The following MRPS18A variants were observed in gnomAD, a reference collection of about 807,000 sequenced individuals.
The protein encoded by MRPS18A is mitochondrial ribosomal protein S18A.
A neutral mutation model predicts 22.7 loss-of-function variants in MRPS18A; 20 were observed. The observed-to-expected ratio is 0.88, with a 90% CI of 0.62 to 1.28. The LOEUF (loss-of-function observed/expected upper bound fraction) is 1.28. MRPS18A is among the 50% of genes most tolerant of loss of function. The probability of loss-of-function intolerance (pLI) is 0.00; values close to 1 mark genes in which losing one functional copy is unlikely to be tolerated. For synonymous variants in MRPS18A, 106 were observed against 99.1 expected (o/e 1.07, Z -0.41); for missense variants, 294 against 262.6 (o/e 1.12, Z -0.83).
At chr6:43,675,142 G>A (rs1281982227) in intron 5 of MRPS18A, 60 bp downstream of exon 5, 2 of 1,389,504 alleles carry the variant, frequency 1.4e-6, no homozygotes, top group East Asian at 4.8e-5. Context: ...GACAGCCAAG[G>A]TGCACCCTAG....
intron 1 of MRPS18A, among the ~76,000 whole-genome samples, chr6:43,684,932 C>T (rs1330378799): frequency 3.9e-5 from 6 of 152,204 alleles, no homozygotes; most frequent in Non-Finnish European, 8.8e-5. Context: ...AGATCCAACA[C>T]AGTCTTTGCT....
intron 5 of MRPS18A, among the ~76,000 whole-genome samples, chr6:43,674,074 G>A (rs959603871): frequency 6.6e-6 from 1 of 152,236 alleles, no homozygotes; most frequent in Non-Finnish European, 1.5e-5. Flanking sequence ...GCTGCTGGCA[G>A]ATGGCTGAGC....
At chr6:43,672,358 T>G in intron 5 of MRPS18A, 1 of 472,190 alleles carries the variant, frequency 2.1e-6, no homozygotes, top group Non-Finnish European at 4.4e-6. Flanking sequence ...GTACTATAAC[T>G]GGTATAAGAC....
In MRPS18A at chr6:43,671,874, T is replaced by A; in HGVS notation, c.479A>T (p.Lys160Met). 6.2e-7 allele frequency: 1 copy of A among 1,613,590 alleles called. No individual in the cohort carries two copies. Among genetic ancestry groups the A allele is most frequent in the African/African-American group, 1.3e-5 (1 of 75,052 alleles). ...YLTRWAPGSV[K>M]PIYKKGPRWN... ...GCGGGGGCCTTTTTTGTAGATGGGC[T>A]TGACGGAGCCAGGAGCCCAGCGCGT... Residue 160 changes from lysine to methionine, a missense_variant, in exon 6 of 6, where the codon AAG (lysine) becomes ATG (methionine). Lys to Met is a moderately conservative substitution (Grantham distance 95, BLOSUM62 -1). Transcript: ENST00000372133.
intron 3 of MRPS18A, among the ~76,000 whole-genome samples, chr6:43,676,390 G>A (rs937098019): frequency 6.6e-6 from 1 of 152,178 alleles, no homozygotes; most frequent in Admixed American, 6.5e-5. Context: ...CATTCCCTCT[G>A]AAGTGCGAGG....
chr6:43,681,945 A>T (rs1344136468), intron 1 of MRPS18A, among the ~76,000 whole-genome samples: 1 of 152,256 alleles, frequency 6.6e-6, no homozygotes, highest in Non-Finnish European at 1.5e-5. Context: ...AATAGCCCAC[A>T]TTCAGCTAAT....
chr6:43,684,003 CA>C (rs1045580261), intron 1 of MRPS18A, among the ~76,000 whole-genome samples: 2 of 151,948 alleles, frequency 1.3e-5, no homozygotes, highest in African/African-American at 4.8e-5. Flanking sequence ...GCAGTGAATG[CA>C]AAAGGAGGAG....
intron 2 of MRPS18A, among the ~76,000 whole-genome samples, 188 bp from the exon 3 acceptor site, chr6:43,678,813 T>G (rs1299700221): frequency 1.3e-5 from 2 of 152,140 alleles, no homozygotes; most frequent in African/African-American, 2.4e-5. Context: ...TGCTAGGCCT[T>G]GAGATAGCTA....
chr6:43,675,340 G>A (rs762790208), intron 4 of MRPS18A, 69 bp from the exon 5 acceptor site: 284 of 1,575,520 alleles, frequency 1.8e-4, no homozygotes, highest in Non-Finnish European at 2.4e-4. Context: ...CAGAGGGAAA[G>A]CCCAAGGGAG....
rs777018642 is a variant in MRPS18A, at chr6:43,678,521, A to G, written c.249T>C (p.Tyr83=). 1.8e-5 allele frequency: 29 copies of G among 1,607,846 alleles called. No homozygotes were observed. In the South Asian group the frequency reaches 2.5e-4, roughly 14 times the overall value. ...GTGTCTCTGTACCCAGACTCACGTC[A>G]TAGTTATACTTGTGCTTCAGGTTCC... ...CRWNLKHKYN[Y]DDVLLLSQFI... is the part of the protein sequence containing the mutation. The change falls in exon 3 of 6, where the codon TAT becomes TAC. Residue 83 remains tyrosine, a synonymous_variant. Coordinates refer to ENST00000372133, the MANE Select transcript of MRPS18A (RefSeq NM_018135.4).
intron 1 of MRPS18A, among the ~76,000 whole-genome samples, chr6:43,683,735 C>T (rs529966411): frequency 4.6e-5 from 7 of 152,246 alleles, no homozygotes; most frequent in South Asian, 4.1e-4. Context: ...ATAATCTGTC[C>T]CCAGTGAGGC....
At chr6:43,685,883 G>T (rs1448843314) in intron 1 of MRPS18A, among the ~76,000 whole-genome samples, 3 of 152,176 alleles carry the variant, frequency 2.0e-5, no homozygotes, top group African/African-American at 7.2e-5. Flanking sequence ...ATAGAATATG[G>T]TAGTGCCTTC....
intron 1 of MRPS18A, among the ~76,000 whole-genome samples, chr6:43,684,110 AAAC>A (rs556245420): frequency 2.5e-3 from 379 of 152,172 alleles, no homozygotes; most frequent in Non-Finnish European, 3.9e-3. Context: ...CTTGTCTCTT[AAAC>A]AACAACAACA....
intron 2 of MRPS18A, 144 bp from the exon 3 acceptor site, chr6:43,678,769 C>T: frequency 1.6e-6 from 1 of 627,104 alleles, no homozygotes; most frequent in Non-Finnish European, 2.9e-6. Flanking sequence ...GGTTTCTCTG[C>T]CTGAACTGTG....
intron 4 of MRPS18A, 70 bp from the exon 5 acceptor site, chr6:43,675,341 C>T: frequency 6.3e-7 from 1 of 1,577,548 alleles, no homozygotes. Context: ...AGAGGGAAAG[C>T]CCAAGGGAGC....
intron 3 of MRPS18A, among the ~76,000 whole-genome samples, chr6:43,677,492 C>T (rs946228670): frequency 6.6e-6 from 1 of 152,192 alleles, no homozygotes; most frequent in Non-Finnish European, 1.5e-5. Flanking sequence ...GCCTGAATCA[C>T]CTGAAACCCA....
chr6:43,672,553 C>G (rs1773797734), intron 5 of MRPS18A: 1 of 415,738 alleles, frequency 2.4e-6, no homozygotes, highest in Admixed American at 2.8e-5. Flanking sequence ...CTCATGCCGG[C>G]TAGGATTGGG....
At position 43,673,502 on chromosome 6, in the gene MRPS18A, T is replaced by C. The variant is rs1773869817; in HGVS notation, c.447-1596A>G. Among the ~76,000 whole-genome samples, 1 of 152,212 alleles carries C rather than the reference T, an allele frequency of 6.6e-6. No individual in the cohort carries two copies. The highest frequency in any genetic ancestry group is 2.4e-5 in the African/African-American group (1 of 41,464). ...TGCCCTAAAGCTGTTCTTTCTCCCA[T>C]GCCTTGGAGAGGGAAGCTGGGCTTT... On this transcript the variant is annotated intron_variant, in intron 5 of 5. Coordinates refer to ENST00000372133, the MANE Select transcript of MRPS18A (RefSeq NM_018135.4). The surrounding 1 kb of genome is among the most constrained non-coding windows in gnomAD (Gnocchi z 4.2).
At chr6:43,685,042 A>G (rs1774617655) in intron 1 of MRPS18A, among the ~76,000 whole-genome samples, 1 of 152,168 alleles carries the variant, frequency 6.6e-6, no homozygotes, top group South Asian at 2.1e-4. Context: ...AGGCCCTGCC[A>G]TGGAATACCA....
Sources: gnomAD v4.1 joint callset for allele counts (sites outside exome capture counted in the v4.1 genomes callset) on GRCh38, gnomAD v4.1.1 for gene constraint, Gnocchi (gnomAD v3.1) non-coding constraint, MANE v1.5 for transcripts, NCBI Gene and HGNC (gene_info 2026-07-23, HGNC 2026-07-21) for gene names.